The following SPOCK1 variants were observed in gnomAD, a reference collection of about 807,000 sequenced individuals.
SPOCK1 encodes the protein testican-1.
A neutral mutation model predicts 55.3 loss-of-function variants in SPOCK1; 23 were observed. The ratio of observed to expected loss-of-function variants is 0.42; its 90% CI spans 0.30 to 0.59. The LOEUF is 0.59. SPOCK1 is among the 20% of genes least tolerant of loss of function. The pLI, the probability that SPOCK1 is intolerant of heterozygous loss-of-function variation, is 0.22. For missense variants in SPOCK1, 499 were observed against 552.5 expected (o/e 0.90, Z 0.97); for synonymous variants, 226 against 221.0 (o/e 1.02, Z -0.20).
At chr5:137,103,713 A>G (rs79003086) in intron 5 of SPOCK1, among the ~76,000 whole-genome samples, 13,459 of 152,322 alleles carry the variant, frequency 0.088, 781 homozygotes, top group East Asian at 0.24. Flanking sequence ...CCTAACTAAC[A>G]CACAATTAAT....
At chr5:137,133,010 G>A (rs1469651985) in intron 4 of SPOCK1, among the ~76,000 whole-genome samples, 1 of 152,146 alleles carries the variant, frequency 6.6e-6, no homozygotes, top group African/African-American at 2.4e-5. Flanking sequence ...TGAAAAATGG[G>A]AAAACAAGGC....
intron 2 of SPOCK1, among the ~76,000 whole-genome samples, chr5:137,297,088 T>C (rs1757503976): frequency 6.6e-6 from 1 of 152,228 alleles, no homozygotes; most frequent in Admixed American, 6.5e-5. Flanking sequence ...GTATGTATAT[T>C]TTCTTTTTGC....
At chr5:137,079,079 ATGCTT>A (rs1191805656) in intron 5 of SPOCK1, among the ~76,000 whole-genome samples, 1 of 152,116 alleles carries the variant, frequency 6.6e-6, no homozygotes, top group African/African-American at 2.4e-5. Context: ...TTCCTCTTGG[ATGCTT>A]TGCTTTGTCT....
At chr5:137,378,460 T>G (rs912829022) in intron 2 of SPOCK1, among the ~76,000 whole-genome samples, 8 of 152,214 alleles carry the variant, frequency 5.3e-5, no homozygotes, top group Non-Finnish European at 1.0e-4. Flanking sequence ...AAAAACCACC[T>G]TGAAGGTTGA....
chr5:137,380,577 C>T (rs1257280357), intron 2 of SPOCK1, among the ~76,000 whole-genome samples: 1 of 152,152 alleles, frequency 6.6e-6, no homozygotes, highest in South Asian at 2.1e-4. Context: ...GGAAACTTAA[C>T]AATCATGGCA....
chr5:137,098,972 AC>A (rs1753206864), intron 5 of SPOCK1, among the ~76,000 whole-genome samples: 1 of 93,868 alleles, frequency 1.1e-5, no homozygotes, highest in Admixed American at 1.1e-4. Flanking sequence ...GAAGGGCAAC[AC>A]CAACAAATGA....
At chr5:137,181,012 G>A (rs1167730718) in intron 3 of SPOCK1, among the ~76,000 whole-genome samples, 2 of 152,150 alleles carry the variant, frequency 1.3e-5, no homozygotes, top group East Asian at 1.9e-4. Context: ...GGGAATAAAG[G>A]TGACACCAAG....
At chr5:136,989,133 C>A (rs1750900179) in intron 7 of SPOCK1, among the ~76,000 whole-genome samples, 1 of 152,210 alleles carries the variant, frequency 6.6e-6, no homozygotes, top group Non-Finnish European at 1.5e-5. Flanking sequence ...TAAATCCAAG[C>A]AGTCTGAATG....
At chr5:137,287,810 T>C (rs4976349) in intron 2 of SPOCK1, among the ~76,000 whole-genome samples, 6,466 of 152,296 alleles carry the variant, frequency 0.042, 194 homozygotes, top group Admixed American at 0.067. Flanking sequence ...AAATGCAATG[T>C]GGAAAATTAC....
At chr5:137,227,795 C>A (rs1755973330) in intron 3 of SPOCK1, among the ~76,000 whole-genome samples, 1 of 152,188 alleles carries the variant, frequency 6.6e-6, no homozygotes, top group Non-Finnish European at 1.5e-5. Flanking sequence ...CAGATACAGA[C>A]CACCAATGCA....
intron 2 of SPOCK1, among the ~76,000 whole-genome samples, chr5:137,419,483 G>GTT (rs1752435002): frequency 6.6e-6 from 1 of 152,184 alleles, no homozygotes; most frequent in African/African-American, 2.4e-5. Context: ...TCAATGAGCA[G>GTT]TGGTTTGTAG....
At chr5:137,356,798 A>T (rs11744084) in intron 2 of SPOCK1, among the ~76,000 whole-genome samples, 932 of 13,738 alleles carry the variant, frequency 0.068, 62 homozygotes, top group East Asian at 0.19. Context: ...CAAAAAAAAT[A>T]ATATATATAT....
At chr5:137,203,267 G>A (rs1755459227) in intron 3 of SPOCK1, among the ~76,000 whole-genome samples, 1 of 151,870 alleles carries the variant, frequency 6.6e-6, no homozygotes, top group African/African-American at 2.4e-5. Flanking sequence ...AGATGATCTA[G>A]TGTGTCCCAG....
chr5:137,189,874 C>T (rs1755145148), intron 3 of SPOCK1, among the ~76,000 whole-genome samples: 1 of 151,902 alleles, frequency 6.6e-6, no homozygotes, highest in Non-Finnish European at 1.5e-5. Flanking sequence ...CCAACATTAA[C>T]AGATATTTGG....
intron 2 of SPOCK1, among the ~76,000 whole-genome samples, chr5:137,424,860 G>A (rs1242838919): frequency 6.6e-6 from 1 of 152,160 alleles, no homozygotes; most frequent in Admixed American, 6.5e-5. Flanking sequence ...AGGAAAGTTT[G>A]GGTAATAAAA....
At chr5:137,042,361 A>G (rs1214891208) in intron 6 of SPOCK1, among the ~76,000 whole-genome samples, 1 of 152,190 alleles carries the variant, frequency 6.6e-6, no homozygotes, top group Non-Finnish European at 1.5e-5. Flanking sequence ...TAATAAAACT[A>G]TTTGTTATGA....
intron 2 of SPOCK1, among the ~76,000 whole-genome samples, chr5:137,389,229 G>A (rs1416190792): frequency 6.6e-6 from 1 of 152,216 alleles, no homozygotes; most frequent in African/African-American, 2.4e-5. Flanking sequence ...GAAGGGCCAA[G>A]AGCTTTCTAG....
chr5:137,115,060 G>A (rs1311886704), intron 4 of SPOCK1, among the ~76,000 whole-genome samples: 1 of 152,116 alleles, frequency 6.6e-6, no homozygotes, highest in Non-Finnish European at 1.5e-5. Context: ...TCTATCACTG[G>A]ACCTGAACTT....
intron 6 of SPOCK1, among the ~76,000 whole-genome samples, chr5:137,061,425 C>T (rs1364161417): frequency 2.0e-5 from 3 of 152,156 alleles, no homozygotes; most frequent in Admixed American, 2.0e-4. Flanking sequence ...TTGAAAACAC[C>T]GTTTGAGAAA....
Sources: allele counts gnomAD v4.1 joint callset (sites outside exome capture counted in the v4.1 genomes callset), GRCh38; gene constraint gnomAD v4.1.1; transcripts MANE v1.5; gene names NCBI Gene and HGNC (gene_info 2026-07-23, HGNC 2026-07-21).